Variants in DLGAP1 observed in about 807,000 individuals in gnomAD.
The protein encoded by DLGAP1 is disks large-associated protein 1.
A neutral mutation model predicts 90.8 loss-of-function variants in DLGAP1; 11 were observed. The observed-to-expected ratio is 0.12, with a 90% CI of 0.08 to 0.20. The LOEUF (loss-of-function observed/expected upper bound fraction) is 0.20. DLGAP1 is among the 10% of genes least tolerant of loss of function. DLGAP1 has a pLI of 1.00. For missense variants in DLGAP1, 1,050 were observed against 1,333.8 expected, an observed-to-expected ratio of 0.79 and a Z score of 3.31; for synonymous variants, 558 against 540.7, an observed-to-expected ratio of 1.03 and a Z score of -0.44.
chr18:4,183,134 A>G (rs1407549302), intron 1 of DLGAP1, among the ~76,000 whole-genome samples: 1 of 152,206 alleles, frequency 6.6e-6, no homozygotes, highest in Admixed American at 6.6e-5. Context: ...AAGAAAATAC[A>G]TTAAATCAAA....
At position 4,414,309 on chromosome 18, in the gene DLGAP1, A is replaced by G. The variant is rs3850791; in HGVS notation, c.-267+40697T>C. Among the ~76,000 whole-genome samples the G allele has an allele frequency of 4.6e-3, 698 of 152,370 alleles. 20 individuals carry two copies. The highest frequency in any genetic ancestry group is 0.04 in the Admixed American group (607 of 15,304). On this transcript the variant is annotated intron_variant, in intron 1 of 12. Transcript: ENST00000315677. Reference sequence around the variant, plus strand: ...AAGATGAAATTGTTTTGTTTTACACATAACAATCAATAAAAGTTACTTGAT... The same window carrying G: ...AAGATGAAATTGTTTTGTTTTACACGTAACAATCAATAAAAGTTACTTGAT...
intron 1 of DLGAP1, among the ~76,000 whole-genome samples, chr18:4,369,963 C>T (rs1358877728): frequency 6.6e-6 from 1 of 151,798 alleles, no homozygotes; most frequent in Non-Finnish European, 1.5e-5. Context: ...CGGTTATGAT[C>T]GCATTGCTGT....
intron 1 of DLGAP1, among the ~76,000 whole-genome samples, chr18:4,254,176 T>C (rs1300675771): frequency 6.6e-6 from 1 of 152,182 alleles, no homozygotes; most frequent in Non-Finnish European, 1.5e-5. Flanking sequence ...TCTTACGAAT[T>C]TGGAATCCTG....
At chr18:3,848,618 T>A (rs952267510) in intron 4 of DLGAP1, among the ~76,000 whole-genome samples, 2 of 152,160 alleles carry the variant, frequency 1.3e-5, no homozygotes, top group African/African-American at 4.8e-5. Flanking sequence ...CCTGTAGAGT[T>A]CTGTACTTCA....
chr18:4,080,866 T>G (rs2075595945), intron 2 of DLGAP1, among the ~76,000 whole-genome samples: 1 of 151,206 alleles, frequency 6.6e-6, no homozygotes, highest in Admixed American at 6.6e-5. Flanking sequence ...TTCTCCCCGA[T>G]GCATGTTAAT....
chr18:4,075,471 G>A (rs1598354680), intron 2 of DLGAP1, among the ~76,000 whole-genome samples: 1 of 152,152 alleles, frequency 6.6e-6, no homozygotes, highest in East Asian at 1.9e-4. Context: ...TTTAGCTACT[G>A]TACCCCATTT....
chr18:3,671,103 CTG>C (rs1390281507), intron 7 of DLGAP1, among the ~76,000 whole-genome samples: 1 of 152,000 alleles, frequency 6.6e-6, no homozygotes, highest in Non-Finnish European at 1.5e-5. Flanking sequence ...CCCTCCATCT[CTG>C]TGTTCCAGTC....
At chr18:3,701,478 GA>G (rs2061277106) in intron 7 of DLGAP1, among the ~76,000 whole-genome samples, 1 of 152,194 alleles carries the variant, frequency 6.6e-6, no homozygotes. Flanking sequence ...CAACATCAAA[GA>G]AAAAAGCCGG....
chr18:3,565,496 T>C lies in DLGAP1; in HGVS notation c.2057+1994A>G, dbSNP rs2054373500. Among the ~76,000 whole-genome samples the C allele has an allele frequency of 6.6e-6, 1 of 151,880 alleles. No individual in the cohort carries two copies. Among genetic ancestry groups the C allele is most frequent in the Non-Finnish European group, 1.5e-5 (1 of 67,976 alleles). On this transcript the variant is annotated intron_variant, in intron 9 of 12. Transcript: ENST00000315677. This position sits in a 1 kb window ranked among gnomAD's most constrained non-coding sequence, Gnocchi z 4.0. ...TCTACTAAATGTATACTTTCAAAAA[T>C]TTTTCTAAAACACTTAATAAAGAAA...
intron 4 of DLGAP1, among the ~76,000 whole-genome samples, chr18:3,824,135 T>C (rs912934411): frequency 6.6e-6 from 1 of 152,118 alleles, no homozygotes; most frequent in South Asian, 2.1e-4. Context: ...CATCATAGCT[T>C]TCCATTATTG....
intron 1 of DLGAP1, among the ~76,000 whole-genome samples, chr18:4,262,390 T>C (rs1180975772): frequency 2.0e-5 from 3 of 152,218 alleles, no homozygotes; most frequent in Non-Finnish European, 4.4e-5. Flanking sequence ...AAGTGGGTTA[T>C]ATTATCAGAA....
intron 3 of DLGAP1, among the ~76,000 whole-genome samples, chr18:3,947,581 TG>T (rs1365238580): frequency 6.6e-6 from 1 of 152,228 alleles, no homozygotes; most frequent in Admixed American, 6.5e-5. Flanking sequence ...TTAAAGGAAA[TG>T]CTCAGTGACT....
At chr18:3,741,021 C>CAA (rs2062911187) in intron 6 of DLGAP1, among the ~76,000 whole-genome samples, 1 of 79,668 alleles carries the variant, frequency 1.3e-5, no homozygotes, top group African/African-American at 6.1e-5. Flanking sequence ...CCACCATCAC[C>CAA]ACCACCACCA....
At chr18:4,258,860 T>G (rs1174462957) in intron 1 of DLGAP1, among the ~76,000 whole-genome samples, 1 of 152,128 alleles carries the variant, frequency 6.6e-6, no homozygotes, top group Non-Finnish European at 1.5e-5. Context: ...TGCATGATCT[T>G]AAATCTTGTG....
intron 2 of DLGAP1, among the ~76,000 whole-genome samples, chr18:4,104,648 T>C (rs1775056839): frequency 6.6e-6 from 1 of 152,228 alleles, no homozygotes; most frequent in South Asian, 2.1e-4. Context: ...TCTGATCACG[T>C]TCTTCTTGAG....
chr18:3,790,263 CTTTT>C (rs905751291), intron 5 of DLGAP1, among the ~76,000 whole-genome samples: 3 of 100,780 alleles, frequency 3.0e-5, no homozygotes, highest in African/African-American at 6.1e-5. Flanking sequence ...GCTTCTTTTA[CTTTT>C]TTTTTCTTTT....
In DLGAP1 at chr18:3,502,580, C is replaced by A. The variant is rs2049994035; in HGVS notation, c.2637G>T (p.Leu879Phe). The stretch of plus-strand genomic sequence containing the variant: ...ATTTCATACTAATATTTTCTATGGA[C>A]AACTGCAGCATGTCCCAAAACCCCG... Reference protein sequence around the residue: ...DLAGFWDMLQLSIENISMKFD... With the variant: ...DLAGFWDMLQFSIENISMKFD... Residue 879 changes from leucine (L) to phenylalanine (F), a missense_variant, in exon 12 of 13, where the codon TTG (leucine) becomes TTT (phenylalanine). Coordinates refer to ENST00000315677, the MANE Select transcript of DLGAP1 (RefSeq NM_004746.4). The A allele has an allele frequency of 1.2e-6, 2 of 1,614,082 alleles. No homozygotes were observed. Among genetic ancestry groups the A allele is most frequent in the Admixed American group, 1.7e-5 (1 of 59,998 alleles).
At chr18:3,635,515 G>A (rs1225690515) in intron 7 of DLGAP1, among the ~76,000 whole-genome samples, 1 of 151,390 alleles carries the variant, frequency 6.6e-6, no homozygotes, top group Non-Finnish European at 1.5e-5. Context: ...TTGCAGCAGT[G>A]GGTGTGGTGA....
At chr18:4,231,688 T>C (rs1258605366) in intron 1 of DLGAP1, among the ~76,000 whole-genome samples, 1 of 152,202 alleles carries the variant, frequency 6.6e-6, no homozygotes, top group Non-Finnish European at 1.5e-5. Context: ...ATTTCTTTCC[T>C]TAGTAAACAA....
Sources: allele counts gnomAD v4.1 joint callset (sites outside exome capture counted in the v4.1 genomes callset), GRCh38; gene constraint gnomAD v4.1.1; non-coding constraint Gnocchi (gnomAD v3.1); transcripts MANE v1.5; gene names NCBI Gene and HGNC (gene_info 2026-07-23, HGNC 2026-07-21).